SH2B2: variants seen among roughly 807,000 people sequenced by gnomAD.
The protein encoded by SH2B2 is SH2B adaptor protein 2.
Under a neutral mutation model 35.7 loss-of-function variants are expected in SH2B2, and 37 were observed. The observed-to-expected ratio is 1.04, with a 90% CI of 0.80 to 1.36. The LOEUF (loss-of-function observed/expected upper bound fraction) is 1.36, where lower values mean the gene tolerates loss of function less well. SH2B2 is among the 40% of genes most tolerant of loss of function. SH2B2 has a pLI of 0.00. For missense variants in SH2B2, 852 were observed against 817.7 expected (o/e 1.04, Z -0.51); for synonymous variants, 383 against 376.4 (o/e 1.02, Z -0.20).
At chr7:102,318,210 C>T (rs1793927997) in intron 7 of SH2B2, among the ~76,000 whole-genome samples, 1 of 152,146 alleles carries the variant, frequency 6.6e-6, no homozygotes, top group Admixed American at 6.5e-5. Flanking sequence ...GCAATCTCAG[C>T]TCATTGCAAC....
intron 4 of SH2B2, chr7:102,309,135 T>C (rs1554555466): frequency 3.1e-6 from 2 of 645,894 alleles, no homozygotes; most frequent in East Asian, 6.1e-5. Flanking sequence ...CCTGGGGACC[T>C]GGAAGGAAGT....
At chr7:102,285,196 C>T (rs1554550632), upstream of SH2B2, 3 of 1,551,252 alleles carry the variant, frequency 1.9e-6, no homozygotes, top group South Asian at 1.2e-5. Flanking sequence ...GGCTTCCCAT[C>T]TCAGGACCCT....
At chr7:102,295,866 C>T (rs116093291) in intron 1 of SH2B2, among the ~76,000 whole-genome samples, 1 of 152,142 alleles carries the variant, frequency 6.6e-6, no homozygotes, top group Non-Finnish European at 1.5e-5. Flanking sequence ...CATCCTTCCC[C>T]CACCTTCGTG....
At chr7:102,295,393 G>A (rs781906684) in intron 1 of SH2B2, among the ~76,000 whole-genome samples, 2 of 152,172 alleles carry the variant, frequency 1.3e-5, no homozygotes, top group Non-Finnish European at 2.9e-5. Context: ...AGGGTTTCAT[G>A]GGTTCAGCTG....
intron 6 of SH2B2, 98 bp from the exon 7 acceptor site, chr7:102,317,089 A>T: frequency 2.0e-6 from 2 of 1,023,858 alleles, no homozygotes; most frequent in Non-Finnish European, 2.8e-6. Flanking sequence ...TTTTGCATGT[A>T]AAAAAACCAA....
intron 1 of SH2B2, among the ~76,000 whole-genome samples, chr7:102,296,689 G>T (rs930901664): frequency 1.3e-5 from 2 of 152,244 alleles, no homozygotes; most frequent in Non-Finnish European, 2.9e-5. Context: ...GGGATTCCTG[G>T]ATTGGGGATT....
In SH2B2 at chr7:102,306,819, C is replaced by A. The variant is rs956664027; in HGVS notation, c.828C>A (p.Leu276=). 1.3e-6 allele frequency: 2 copies of A among 1,576,656 alleles called. No individual in the cohort carries two copies. The highest frequency in any genetic ancestry group is 1.7e-6 in the Non-Finnish European group (2 of 1,161,276). Residue 276 remains leucine (L), a synonymous_variant, in exon 3 of 9, where the codon CTC becomes CTA. Transcript: ENST00000444095. ...EMPEKDNTFV[L]KVENGAEYIL... Reference sequence around the variant, plus strand: ...CAGAGAAGGATAACACATTCGTCCTCAAGGTGAGGTCTCACCCCTAACCTC... The same window carrying A: ...CAGAGAAGGATAACACATTCGTCCTAAAGGTGAGGTCTCACCCCTAACCTC...
chr7:102,321,643 C>A lies in SH2B2; in HGVS notation c.*13C>A. 8.8e-7 allele frequency: 1 copy of A among 1,138,720 alleles called. No homozygotes were observed. 70.5% of individuals were successfully genotyped at this position (1,138,720 alleles called of 1,614,324 possible). A position where few individuals can be genotyped will look rare whatever the true frequency, so the allele number is the denominator to read the frequency against. ...CTCCTTCTACTAGCCCGCGGCGCCGCCCGGGTGGGACACGCCAAGCTCTTC... is the reference window on the plus strand; with the variant it reads ...CTCCTTCTACTAGCCCGCGGCGCCGACCGGGTGGGACACGCCAAGCTCTTC... On this transcript the variant is annotated 3_prime_UTR_variant, in exon 9 of 9. Coordinates refer to ENST00000444095, the MANE Select transcript of SH2B2 (RefSeq NM_001359228.2).
At chr7:102,312,783 C>G (rs1387216836) in intron 4 of SH2B2, among the ~76,000 whole-genome samples, 1 of 152,168 alleles carries the variant, frequency 6.6e-6, no homozygotes, top group Non-Finnish European at 1.5e-5. Flanking sequence ...CTCCTGGACT[C>G]CATTGACCCT....
intron 4 of SH2B2, 132 bp downstream of exon 4, chr7:102,309,038 G>C: frequency 1.3e-6 from 1 of 789,834 alleles, no homozygotes. Context: ...GATTCAGGTT[G>C]GTGCCAGCCA....
At chr7:102,285,318 C>A, upstream of SH2B2, 1 of 1,205,598 alleles carries the variant, frequency 8.3e-7, no homozygotes, top group Non-Finnish European at 1.2e-6. Context: ...CACAACCAGG[C>A]CATGTATGGA....
At chr7:102,306,610 G>T (rs1554554885) in intron 2 of SH2B2, 111 bp from the exon 3 acceptor site, 9 of 737,306 alleles carry the variant, frequency 1.2e-5, no homozygotes, top group East Asian at 5.4e-5. Flanking sequence ...CTGTACCAGG[G>T]TGGCTGTGGC....
Position 102,299,197 on chromosome 7 carries a change from C to CTTTTTTTTTTTTTTTTTTTTTTTTTT in SH2B2, c.-29-1306_-29-1305insTTTTTTTTTTTTTTTTTTTTTTTTTT, listed in dbSNP as rs71123035. On this transcript the variant is annotated intron_variant, in intron 1 of 8. Transcript: ENST00000444095. Reference sequence around the variant, plus strand: ...TACAGGCATGAGCCACCGCGCCTGGCTTTTTTTTTTTTTTTTTTTGAGGTG... The same window carrying CTTTTTTTTTTTTTTTTTTTTTTTTTT: ...TACAGGCATGAGCCACCGCGCCTGGCTTTTTTTTTTTTTTTTTTTTTTTTTTTTTTTTTTTTTTTTTTTTTGAGGTG... Among the ~76,000 whole-genome samples, 37 of 24,630 alleles carry CTTTTTTTTTTTTTTTTTTTTTTTTTT rather than the reference C, an allele frequency of 1.5e-3. 9 individuals carry two copies. The highest frequency in any genetic ancestry group is 0.05 in the Middle Eastern group (1 of 20). The allele number at this position is 24,630 out of a possible 152,430, so 16.2% of individuals were successfully genotyped here.
rs1793735320 is a variant in SH2B2 at position 102,314,355 on chromosome 7, G to A, written c.943G>A (p.Glu315Lys). 3 of 398,530 alleles carry A rather than the reference G, an allele frequency of 7.5e-6. No individual in the cohort carries two copies. Among genetic ancestry groups the A allele is most frequent in the African/African-American group, 2.1e-5 (1 of 48,620 alleles). The allele number at this position is 398,530 out of a possible 1,614,324, so 24.7% of individuals were successfully genotyped here. Residue 315 changes from glutamate (E) to lysine (K), a missense_variant, in exon 5 of 9, where the codon GAG becomes AAG. Transcript: ENST00000444095. ...VDPGDSEEDT[E>K]LSCTRGGCLA... ...CCACAGTGACAGTGAGGAAGACACC[G>A]AGCTCTCCTGTACCCGAGGAGGCTG...
At chr7:102,306,317 G>A (rs1426642765) in intron 2 of SH2B2, among the ~76,000 whole-genome samples, 1 of 145,470 alleles carries the variant, frequency 6.9e-6, no homozygotes, top group Non-Finnish European at 1.5e-5. Context: ...TCAAACTCCC[G>A]ACTTCAGGTG....
In SH2B2 at chr7:102,314,426, TGGTA is replaced by T; in HGVS notation, c.1015+6_1015+9del. The T allele has an allele frequency of 2.5e-6, 1 of 398,676 alleles. No individual in the cohort carries two copies. The highest frequency in any genetic ancestry group is 4.4e-6 in the Non-Finnish European group (1 of 226,212). The allele number at this position is 398,676 out of a possible 1,614,324, so 24.7% of individuals were successfully genotyped here. On this transcript the variant is annotated splice_donor_variant and splice_donor_region_variant and coding_sequence_variant and intron_variant, in exon 5 of 9. Transcript: ENST00000444095. LOFTEE classifies it high-confidence loss of function. ...CCTGCAGCTGTGAGCTCCTGACTGA[TGGTA>T]GGTAGGGGGACAGGGTTGAAGGAGG...
At chr7:102,306,476 G>A (rs956759399) in intron 2 of SH2B2, among the ~76,000 whole-genome samples, 5 of 152,098 alleles carry the variant, frequency 3.3e-5, no homozygotes, top group African/African-American at 7.2e-5. Flanking sequence ...CTCCTGCCTC[G>A]GCCTCCCAAA....
intron 4 of SH2B2, among the ~76,000 whole-genome samples, chr7:102,313,904 C>A (rs2061386089): frequency 6.6e-6 from 1 of 150,712 alleles, no homozygotes; most frequent in Admixed American, 6.6e-5. Flanking sequence ...GAGTGAGACT[C>A]CGTCTCAAAA....
At chr7:102,313,131 A>T (rs1272999987) in intron 4 of SH2B2, among the ~76,000 whole-genome samples, 12,041 of 69,190 alleles carry the variant, frequency 0.17, 614 homozygotes, top group East Asian at 0.4. Context: ...AACTCTGTCT[A>T]AAAAAAAAAA....
Sources: allele counts gnomAD v4.1 joint callset (sites outside exome capture counted in the v4.1 genomes callset), GRCh38; gene constraint gnomAD v4.1.1; transcripts MANE v1.5; gene names NCBI Gene and HGNC (gene_info 2026-07-23, HGNC 2026-07-21).